The following MTO1 variants were observed in gnomAD, a reference collection of about 807,000 sequenced individuals.
The protein encoded by MTO1 is mitochondrial tRNA translation optimization 1.
Under a neutral mutation model 71.6 loss-of-function variants are expected in MTO1, and 46 were observed. The ratio of observed to expected loss-of-function variants is 0.64; its 90% CI spans 0.51 to 0.82. The LOEUF is 0.82. Ranked by LOEUF, MTO1 falls within the 40% of genes least tolerant of loss-of-function variation. The probability of loss-of-function intolerance (pLI) is 0.00; values close to 1 mark genes in which losing one functional copy is unlikely to be tolerated. For missense variants in MTO1, 773 were observed against 867.5 expected, an observed-to-expected ratio of 0.89 and a Z score of 1.37; for synonymous variants, 297 against 312.1, an observed-to-expected ratio of 0.95 and a Z score of 0.51.
chr6:73,495,828 A>G (rs1039337350), intron 10 of MTO1, among the ~76,000 whole-genome samples: 2 of 152,170 alleles, frequency 1.3e-5, no homozygotes, highest in African/African-American at 4.8e-5. Flanking sequence ...AATTTGCTGT[A>G]CTAATTTATT....
intron 9 of MTO1, chr6:73,487,734 G>A (rs1582692558): frequency 6.6e-6 from 1 of 151,930 alleles, no homozygotes; most frequent in East Asian, 1.9e-4. Context: ...CCCACTCCTG[G>A]GAGGTCACCA....
At chr6:73,475,448 A>C (rs1473211289) in intron 4 of MTO1, among the ~76,000 whole-genome samples, 1 of 149,924 alleles carries the variant, frequency 6.7e-6, no homozygotes, top group Non-Finnish European at 1.5e-5. Context: ...ATGCCCAGCT[A>C]ATTTGTTTTT....
intron 6 of MTO1, chr6:73,480,337 A>T (rs1306720407): frequency 4.3e-6 from 3 of 700,838 alleles, no homozygotes; most frequent in Non-Finnish European, 7.6e-6. Flanking sequence ...CAATGGTGCG[A>T]TCTCGGCTCA....
chr6:73,468,362 G>A (rs1056289531), intron 3 of MTO1, among the ~76,000 whole-genome samples: 2 of 151,872 alleles, frequency 1.3e-5, no homozygotes, highest in East Asian at 1.9e-4. Flanking sequence ...CAAGCGATCC[G>A]CCCACCTCAG....
rs1770823655 is a variant in MTO1 at position 73,461,799 on chromosome 6, GT to G, written c.-49del. 5 of 1,570,196 alleles carry G rather than the reference GT, an allele frequency of 3.2e-6. No individual in the cohort carries two copies. The highest frequency in any genetic ancestry group is 1.3e-5 in the African/African-American group (1 of 74,124). On this transcript the variant is annotated 5_prime_UTR_variant, in exon 1 of 12. Coordinates refer to ENST00000498286, the MANE Select transcript of MTO1 (RefSeq NM_012123.4). The stretch of plus-strand genomic sequence containing the variant: ...CTGCAGATTGTCTCTTGTTGCGTAA[GT>G]TTTTTTGACCGTCACTCGTGTCAGC...
At chr6:73,494,438 C>T (rs537904997) in intron 10 of MTO1, among the ~76,000 whole-genome samples, 2 of 151,654 alleles carry the variant, frequency 1.3e-5, no homozygotes, top group South Asian at 4.2e-4. Context: ...GAATGGTGAT[C>T]ATGCTGCATT....
chr6:73,482,686 T>C, intron 9 of MTO1, 66 bp downstream of exon 9: 1 of 1,370,300 alleles, frequency 7.3e-7, no homozygotes, highest in Non-Finnish European at 9.9e-7. Flanking sequence ...GATCATTTCA[T>C]AGAGACATTA....
chr6:73,486,143 G>C (rs1274067523), intron 9 of MTO1, among the ~76,000 whole-genome samples: 2 of 152,014 alleles, frequency 1.3e-5, no homozygotes, highest in Non-Finnish European at 2.9e-5. Context: ...CTTGTGAACA[G>C]ATTTTTTTAA....
chr6:73,461,772 C>G lies in MTO1; in HGVS notation c.-83C>G, dbSNP rs1012053244. 1 of 1,434,390 alleles carries G rather than the reference C, an allele frequency of 7.0e-7. No individual in the cohort carries two copies. The allele number at this position is 1,434,390 out of a possible 1,614,324, so 88.9% of individuals were successfully genotyped here. A position where few individuals can be genotyped will look rare whatever the true frequency, so the allele number is the denominator to read the frequency against. On this transcript the variant is annotated 5_prime_UTR_variant, in exon 1 of 12. Transcript: ENST00000498286. ...GTGATATTAAAGCAAGATGGCCGCG[C>G]CCTGCAGATTGTCTCTTGTTGCGTA...
intron 10 of MTO1, among the ~76,000 whole-genome samples, chr6:73,494,883 C>T (rs1380206632): frequency 1.3e-5 from 2 of 149,206 alleles, no homozygotes; most frequent in African/African-American, 4.9e-5. Flanking sequence ...GGGTTCAAGC[C>T]GTTCTCCTGC....
At chr6:73,472,914 C>A (rs1212460385) in intron 3 of MTO1, among the ~76,000 whole-genome samples, 1 of 152,130 alleles carries the variant, frequency 6.6e-6, no homozygotes, top group Non-Finnish European at 1.5e-5. Context: ...TTTTTAAAGA[C>A]TGATAGTTTT....
intron 4 of MTO1, among the ~76,000 whole-genome samples, chr6:73,476,147 G>C (rs557917847): frequency 6.6e-6 from 1 of 151,608 alleles, no homozygotes; most frequent in South Asian, 2.1e-4. Context: ...TGGATCACTT[G>C]AGGTCAGGAG....
chr6:73,466,387 ACT>A lies in MTO1; in HGVS notation c.399_400del (p.Tyr134Ter), dbSNP rs1230025663. On this transcript the variant is annotated frameshift_variant, in exon 2 of 12. Coordinates refer to ENST00000498286, the MANE Select transcript of MTO1 (RefSeq NM_012123.4). LOFTEE classifies it high-confidence loss of function. ...WGLRAQIDRK[L>X]YKQNMQKEIL... is the part of the protein sequence containing the mutation. Reference sequence around the variant, plus strand: ...GTCTGAGAGCTCAGATTGATAGGAAACTCTATAAACAGAACATGCAGGTAAGA... The same window carrying A: ...GTCTGAGAGCTCAGATTGATAGGAAACTATAAACAGAACATGCAGGTAAGA... 1.9e-6 allele frequency: 3 copies of A among 1,613,994 alleles called. No homozygotes were observed. The highest frequency in any genetic ancestry group is 1.3e-5 in the African/African-American group (1 of 74,898).
intron 4 of MTO1, among the ~76,000 whole-genome samples, chr6:73,476,213 A>T (rs558677379): frequency 1.0e-3 from 156 of 151,654 alleles, no homozygotes; most frequent in Middle Eastern, 6.8e-3. Flanking sequence ...AAATAAAAAA[A>T]AAATAAAAAA....
intron 9 of MTO1, among the ~76,000 whole-genome samples, chr6:73,490,554 T>G (rs1771776703): frequency 6.6e-6 from 1 of 152,198 alleles, no homozygotes; most frequent in Non-Finnish European, 1.5e-5. Context: ...CACTGGTCTA[T>G]GTATCTGTCT....
intron 4 of MTO1, among the ~76,000 whole-genome samples, chr6:73,474,175 G>A (rs1269860347): frequency 2.6e-5 from 4 of 151,498 alleles, no homozygotes; most frequent in Non-Finnish European, 4.4e-5. Context: ...TCACTGCAAC[G>A]TCTGCCTCCT....
intron 9 of MTO1, among the ~76,000 whole-genome samples, chr6:73,482,877 C>T (rs553408273): frequency 1.5e-4 from 22 of 148,572 alleles, no homozygotes; most frequent in African/African-American, 3.7e-4. Context: ...CTGCAAGCTC[C>T]GCCTCCCGGG....
chr6:73,485,046 CAAA>C (rs56004560), intron 9 of MTO1, among the ~76,000 whole-genome samples: 26 of 104,988 alleles, frequency 2.5e-4, no homozygotes, highest in East Asian at 2.7e-4. Context: ...GTCTCTGTAT[CAAA>C]AAAAAAAAAA....
chr6:73,489,516 A>G (rs1046027924), intron 9 of MTO1, among the ~76,000 whole-genome samples: 4 of 140,798 alleles, frequency 2.8e-5, no homozygotes, highest in African/African-American at 8.0e-5. Context: ...ATTCTGACCT[A>G]TGAGTGAGAA....
Sources: allele counts gnomAD v4.1 joint callset (sites outside exome capture counted in the v4.1 genomes callset), GRCh38; gene constraint gnomAD v4.1.1; transcripts MANE v1.5; gene names NCBI Gene and HGNC (gene_info 2026-07-23, HGNC 2026-07-21).